Variants in TGM6 observed in about 807,000 individuals in gnomAD.
TGM6 encodes protein-glutamine gamma-glutamyltransferase 6.
Under a neutral mutation model 77.5 loss-of-function variants are expected in TGM6, and 74 were observed. The observed-to-expected ratio is 0.96, with a 90% CI of 0.79 to 1.16. The LOEUF is 1.16. TGM6 is among the 50% of genes most tolerant of loss of function. The pLI, the probability that TGM6 is intolerant of heterozygous loss-of-function variation, is 0.00. For synonymous variants in TGM6, 383 were observed against 378.9 expected (o/e 1.01, Z -0.12); for missense variants, 968 against 940.2 (o/e 1.03, Z -0.39).
chr20:2,411,929 A>G (rs190466104), intron 9 of TGM6, among the ~76,000 whole-genome samples: 4 of 152,350 alleles, frequency 2.6e-5, no homozygotes, highest in African/African-American at 9.6e-5. Context: ...GCTTCCAGGT[A>G]TATGCCCAAA....
At chr20:2,382,405 TG>T (rs2084561867) in intron 1 of TGM6, among the ~76,000 whole-genome samples, 1 of 152,202 alleles carries the variant, frequency 6.6e-6, no homozygotes. Context: ...TTCACCTAGA[TG>T]ATCCCTCTTC....
At chr20:2,385,381 G>A (rs934320356) in intron 1 of TGM6, among the ~76,000 whole-genome samples, 1 of 152,070 alleles carries the variant, frequency 6.6e-6, no homozygotes, top group African/African-American at 2.4e-5. Context: ...TGTTGAGGTG[G>A]GGGTTGTCTT....
intron 10 of TGM6, among the ~76,000 whole-genome samples, chr20:2,428,658 T>C (rs1227808398): frequency 2.6e-5 from 4 of 151,750 alleles, no homozygotes; most frequent in Non-Finnish European, 5.9e-5. Context: ...TTGATATTAT[T>C]ATCAATAATA....
At position 2,430,528 on chromosome 20, in the gene TGM6, G is replaced by A; in HGVS notation, c.1761G>A (p.Met587Ile). The A allele has an allele frequency of 1.2e-6, 2 of 1,614,212 alleles. No homozygotes were observed. Among genetic ancestry groups the A allele is most frequent in the East Asian group, 4.5e-5 (2 of 44,868 alleles). Residue 587 changes from methionine (M) to isoleucine (I), a missense_variant, in exon 11 of 13, where the codon ATG becomes ATA. Transcript: ENST00000202625. ...TEDKKILLAAMCLVTKGEKLL... is the reference protein window; with the variant it reads ...TEDKKILLAAICLVTKGEKLL... ...ACAAGAAGATCCTGTTGGCTGCCAT[G>A]TGCCTTGTCACCAAAGGAGAGAAGC... is the stretch of plus-strand genomic sequence containing the variant.
intron 6 of TGM6, 82 bp downstream of exon 6, chr20:2,399,820 C>T (rs2084694330): frequency 8.0e-7 from 1 of 1,248,228 alleles, no homozygotes; most frequent in Non-Finnish European, 1.1e-6. Context: ...TTTGCATATG[C>T]TGCAACCCAT....
intron 10 of TGM6, among the ~76,000 whole-genome samples, chr20:2,419,858 A>G (rs1359469903): frequency 6.6e-6 from 1 of 152,246 alleles, no homozygotes; most frequent in Non-Finnish European, 1.5e-5. Flanking sequence ...GTTTATCTAC[A>G]GAGTGTCAGG....
intron 1 of TGM6, among the ~76,000 whole-genome samples, chr20:2,383,544 G>A (rs1178494305): frequency 6.6e-6 from 1 of 152,174 alleles, no homozygotes; most frequent in Non-Finnish European, 1.5e-5. Flanking sequence ...CCAACAAGAT[G>A]GCTGTAGATT....
chr20:2,406,327 T>TA (rs2084750155), intron 9 of TGM6, among the ~76,000 whole-genome samples: 1 of 151,418 alleles, frequency 6.6e-6, no homozygotes, highest in South Asian at 2.1e-4. Flanking sequence ...CCCATCTCTA[T>TA]AAAAAATACA....
chr20:2,403,945 C>T, intron 9 of TGM6, 122 bp downstream of exon 9: 4 of 1,519,180 alleles, frequency 2.6e-6, no homozygotes, highest in Non-Finnish European at 3.6e-6. Flanking sequence ...CAGCAGCTTC[C>T]ATTCACGTTG....
intron 11 of TGM6, 66 bp downstream of exon 11, chr20:2,430,666 C>T (rs900925599): frequency 2.9e-5 from 46 of 1,608,886 alleles, no homozygotes; most frequent in South Asian, 2.1e-4. Context: ...TGGGGGAGGG[C>T]GTCAGAAGCT....
intron 1 of TGM6, 45 bp downstream of exon 1, chr20:2,381,020 G>C (rs376397734): frequency 1.2e-6 from 2 of 1,605,494 alleles, no homozygotes; most frequent in Non-Finnish European, 8.5e-7. Flanking sequence ...GGGCTCATGA[G>C]GGGGGCTTCA....
At chr20:2,403,909 G>A in intron 9 of TGM6, 86 bp downstream of exon 9, 2 of 1,607,700 alleles carry the variant, frequency 1.2e-6, no homozygotes, top group Admixed American at 1.7e-5. Flanking sequence ...CTGGAGCCAG[G>A]CCTCACCCCA....
intron 4 of TGM6, among the ~76,000 whole-genome samples, chr20:2,397,456 AG>A (rs1307141056): frequency 3.3e-5 from 5 of 152,202 alleles, no homozygotes; most frequent in Non-Finnish European, 1.5e-5. Flanking sequence ...GGTCCACCTA[AG>A]GGGTAGCCAC....
chr20:2,395,025 G>T (rs969441628), intron 2 of TGM6, among the ~76,000 whole-genome samples, 169 bp from the exon 3 acceptor site: 4 of 152,342 alleles, frequency 2.6e-5, no homozygotes. Flanking sequence ...AGCTGAGGTG[G>T]ACCCTCACTT....
In TGM6 at chr20:2,394,516, G is replaced by A; in HGVS notation, c.72G>A (p.Glu24=). ...ATGGCGCTGCCCACCACACCCAGGA[G>A]TACCCCTGCCCTGAGCTGGTGGTTC... The part of the protein sequence containing the change: ...SRNGAAHHTQ[E]YPCPELVVRR... Residue 24 remains glutamate (E), a synonymous_variant, in exon 2 of 13, where the codon GAG becomes GAA. Transcript: ENST00000202625. 1 of 1,611,828 alleles carries A rather than the reference G, an allele frequency of 6.2e-7. No homozygotes were observed. The highest frequency in any genetic ancestry group is 8.5e-7 in the Non-Finnish European group (1 of 1,179,854).
chr20:2,418,657 T>C (rs1262980467), intron 10 of TGM6, among the ~76,000 whole-genome samples: 1 of 152,242 alleles, frequency 6.6e-6, no homozygotes, highest in Non-Finnish European at 1.5e-5. Context: ...CCAGATATGC[T>C]CAACACACCT....
At chr20:2,404,325 C>G (rs996771254) in intron 9 of TGM6, among the ~76,000 whole-genome samples, 4 of 152,178 alleles carry the variant, frequency 2.6e-5, no homozygotes, top group African/African-American at 9.7e-5. Flanking sequence ...AAAAACAAAA[C>G]AGTTGTATTT....
Position 2,395,431 on chromosome 20 carries a change from G to T in TGM6, c.419G>T (p.Cys140Phe), listed in dbSNP as rs146485197. The T allele has an allele frequency of 2.5e-6, 4 of 1,614,260 alleles. No homozygotes were observed. Among genetic ancestry groups the T allele is most frequent in the Non-Finnish European group, 3.4e-6 (4 of 1,180,046 alleles). The change falls in exon 3 of 13, where the codon TGT becomes TTT. Residue 140 changes from cysteine (C) to phenylalanine (F), a missense_variant. By Grantham distance (205) the Cys-to-Phe change is radical (BLOSUM62 -2). Transcript: ENST00000202625. ...TTTGTTCTCCTTTTCAACCCATGGT[G>T]TGCAGGTAGGAGTGGCCAAGTCCAA... is the stretch of plus-strand genomic sequence containing the variant. ...GEFVLLFNPW[C>F]AEDDVFLASE...
intron 9 of TGM6, among the ~76,000 whole-genome samples, chr20:2,409,045 A>T (rs1414048026): frequency 6.6e-6 from 1 of 152,198 alleles, no homozygotes; most frequent in Non-Finnish European, 1.5e-5. Flanking sequence ...GGAAAGTAGA[A>T]GGGTAGCATT....
Sources: gnomAD v4.1 joint callset for allele counts (sites outside exome capture counted in the v4.1 genomes callset) on GRCh38, gnomAD v4.1.1 for gene constraint, MANE v1.5 for transcripts, NCBI Gene and HGNC (gene_info 2026-07-23, HGNC 2026-07-21) for gene names.